The following MAPKAP1 variants were observed in gnomAD, a reference collection of about 807,000 sequenced individuals.
The protein encoded by MAPKAP1 is target of rapamycin complex 2 subunit MAPKAP1.
Under a neutral mutation model 65.7 loss-of-function variants are expected in MAPKAP1, and 20 were observed. The observed-to-expected ratio is 0.30, with a 90% CI of 0.21 to 0.44. The LOEUF (loss-of-function observed/expected upper bound fraction) is 0.44. MAPKAP1 is among the 20% of genes least tolerant of loss of function. The pLI, the probability that MAPKAP1 is intolerant of heterozygous loss-of-function variation, is 1.00. For missense variants in MAPKAP1, 423 were observed against 648.0 expected (o/e 0.65, Z 3.77); for synonymous variants, 222 against 244.3 (o/e 0.91, Z 0.85).
chr9:125,559,718 G>T lies in MAPKAP1; in HGVS notation c.763C>A (p.His255Asn). ...FPPLDSNEPI[H>N]KFGFSTLALV... ...GCCAAAGTACTGAAGCCAAACTTAT[G>T]AATGGGCTCATTGGAATCCAGCGGG... The change falls in exon 6 of 12, where the codon CAT becomes AAT. Residue 255 changes from histidine to asparagine, a missense_variant. This residue lies in a region of MAPKAP1 where 98 missense variants were observed against 200.5 expected (regional missense o/e 0.49). Transcript: ENST00000265960. 6.2e-7 allele frequency: 1 copy of T among 1,613,938 alleles called. No individual in the cohort carries two copies. The highest frequency in any genetic ancestry group is 8.5e-7 in the Non-Finnish European group (1 of 1,179,888).
intron 7 of MAPKAP1, 69 bp downstream of exon 7, chr9:125,542,990 A>G (rs1241502243): frequency 9.7e-7 from 1 of 1,030,378 alleles, no homozygotes; most frequent in Non-Finnish European, 1.5e-6. Flanking sequence ...TCACACACAC[A>G]CACCCCCTAT....
chr9:125,541,964 G>A (rs1830263643), intron 7 of MAPKAP1, among the ~76,000 whole-genome samples: 2 of 152,182 alleles, frequency 1.3e-5, no homozygotes, highest in East Asian at 1.9e-4. Flanking sequence ...GGACGGAGCC[G>A]CCACAGCCGA....
intron 4 of MAPKAP1, among the ~76,000 whole-genome samples, chr9:125,649,961 C>G (rs571185347): frequency 6.6e-6 from 1 of 152,226 alleles, no homozygotes; most frequent in South Asian, 2.1e-4. Context: ...GGGAGAAGCC[C>G]TCTTTCAGTG....
chr9:125,564,628 G>A (rs1333200303), intron 5 of MAPKAP1, among the ~76,000 whole-genome samples: 1 of 152,110 alleles, frequency 6.6e-6, no homozygotes, highest in Middle Eastern at 3.2e-3. Flanking sequence ...TCTCTACCGA[G>A]TTCTGGAATT....
intron 8 of MAPKAP1, among the ~76,000 whole-genome samples, chr9:125,505,773 C>T (rs554694951): frequency 5.3e-5 from 8 of 152,360 alleles, no homozygotes; most frequent in Admixed American, 2.0e-4. Context: ...CGCAGTTTCA[C>T]ACATCACTTG....
intron 7 of MAPKAP1, among the ~76,000 whole-genome samples, chr9:125,542,411 A>G (rs1830280191): frequency 6.6e-6 from 1 of 151,288 alleles, no homozygotes; most frequent in South Asian, 2.1e-4. Flanking sequence ...GAGTTGATTT[A>G]TATTAAAGTT....
rs1206705715 is a variant in MAPKAP1, at chr9:125,447,775, G to C, written c.1346-3177C>G. ...GAAGCACCTGGCCAGAGGTGGAGAA[G>C]AGCCACTAGGGACAGTTTCTTGGGA... On this transcript the variant is annotated intron_variant, in intron 10 of 11. Transcript: ENST00000265960. The surrounding 1 kb of genome is among the most constrained non-coding windows in gnomAD (Gnocchi z 4.5). Among the ~76,000 whole-genome samples, 2 of 152,346 alleles carry C rather than the reference G, an allele frequency of 1.3e-5. No homozygotes were observed. Among genetic ancestry groups the C allele is most frequent in the East Asian group, 3.9e-4 (2 of 5,180 alleles).
At chr9:125,460,477 C>T (rs965216451) in intron 10 of MAPKAP1, among the ~76,000 whole-genome samples, 2 of 152,162 alleles carry the variant, frequency 1.3e-5, no homozygotes, top group Admixed American at 6.5e-5. Flanking sequence ...CAATTTTCCT[C>T]GTAGACATTC....
At chr9:125,639,836 A>G (rs1833527494) in intron 4 of MAPKAP1, among the ~76,000 whole-genome samples, 1 of 152,220 alleles carries the variant, frequency 6.6e-6, no homozygotes, top group Non-Finnish European at 1.5e-5. Flanking sequence ...GTTTCTAGGA[A>G]GGACAGACAG....
chr9:125,571,394 T>C (rs1190274619), intron 5 of MAPKAP1, among the ~76,000 whole-genome samples: 1 of 152,204 alleles, frequency 6.6e-6, no homozygotes, highest in African/African-American at 2.4e-5. Context: ...CAGGTGTTCT[T>C]AAACGCAGGT....
chr9:125,534,179 C>CA (rs1564546221), intron 7 of MAPKAP1, among the ~76,000 whole-genome samples: 1 of 151,768 alleles, frequency 6.6e-6, no homozygotes, highest in African/African-American at 2.4e-5. Flanking sequence ...ATAACAAAAA[C>CA]AAAAAACAGG....
At chr9:125,681,215 C>T (rs1026343776) in intron 1 of MAPKAP1, among the ~76,000 whole-genome samples, 1 of 152,212 alleles carries the variant, frequency 6.6e-6, no homozygotes, top group African/African-American at 2.4e-5. Context: ...AATCTGGACT[C>T]ACACTGCGAT....
At chr9:125,694,442 C>A (rs1835324262) in intron 1 of MAPKAP1, among the ~76,000 whole-genome samples, 1 of 151,956 alleles carries the variant, frequency 6.6e-6, no homozygotes, top group Non-Finnish European at 1.5e-5. Flanking sequence ...AATGCCAATA[C>A]CAATACGATC....
chr9:125,545,150 C>G (rs899963706), intron 6 of MAPKAP1, among the ~76,000 whole-genome samples: 6 of 152,180 alleles, frequency 3.9e-5, no homozygotes, highest in Non-Finnish European at 7.3e-5. Flanking sequence ...TGAGTCCCGG[C>G]CATTCTTTAC....
At chr9:125,677,626 G>A (rs1161115305) in intron 1 of MAPKAP1, among the ~76,000 whole-genome samples, 1 of 152,100 alleles carries the variant, frequency 6.6e-6, no homozygotes, top group Non-Finnish European at 1.5e-5. Context: ...AACCTGGCAG[G>A]TGGAGGTTGC....
At chr9:125,661,408 A>G (rs970252089) in intron 3 of MAPKAP1, among the ~76,000 whole-genome samples, 12 of 152,220 alleles carry the variant, frequency 7.9e-5, no homozygotes, top group African/African-American at 2.9e-4. Flanking sequence ...AAAGCCTGAA[A>G]ACAAACAAAC....
intron 4 of MAPKAP1, among the ~76,000 whole-genome samples, chr9:125,597,623 T>C (rs1404768388): frequency 1.3e-5 from 2 of 152,196 alleles, no homozygotes; most frequent in African/African-American, 4.8e-5. Flanking sequence ...AGAGAAAGGA[T>C]AGACAGCTTA....
At chr9:125,641,242 A>AT (rs1833569036) in intron 4 of MAPKAP1, among the ~76,000 whole-genome samples, 1 of 152,220 alleles carries the variant, frequency 6.6e-6, no homozygotes, top group South Asian at 2.1e-4. Context: ...TACTCTACAC[A>AT]TAATAGCCAT....
chr9:125,697,047 G>C (rs914525276), intron 1 of MAPKAP1, among the ~76,000 whole-genome samples: 2 of 152,198 alleles, frequency 1.3e-5, no homozygotes, highest in African/African-American at 2.4e-5. Context: ...CCACTGAAGA[G>C]GTGATGGTAG....
Sources: gnomAD v4.1 joint callset for allele counts (sites outside exome capture counted in the v4.1 genomes callset) on GRCh38, gnomAD v4.1.1 for gene constraint, gnomAD v4.1.1 regional missense constraint, Gnocchi (gnomAD v3.1) non-coding constraint, MANE v1.5 for transcripts, NCBI Gene and HGNC (gene_info 2026-07-23, HGNC 2026-07-21) for gene names.